RABGGTA: variants seen among roughly 807,000 people sequenced by gnomAD.
RABGGTA encodes Rab geranylgeranyltransferase subunit alpha.
In RABGGTA, 69 loss-of-function variants were observed where a neutral mutation model predicts 83.3. The observed-to-expected ratio is 0.83, with a 90% confidence interval of 0.68 to 1.01. RABGGTA has a LOEUF of 1.01. Ranked by LOEUF, RABGGTA falls within the 50% of genes least tolerant of loss-of-function variation. The probability of loss-of-function intolerance (pLI) is 0.00; values close to 1 mark genes in which losing one functional copy is unlikely to be tolerated. For synonymous variants in RABGGTA, 310 were observed against 299.8 expected (o/e 1.03, Z -0.35); for missense variants, 681 against 712.7 (o/e 0.96, Z 0.51).
In RABGGTA at chr14:24,267,968, G is replaced by A. The variant is rs369902107; in HGVS notation, c.1148-10C>T. 2.6e-5 allele frequency: 42 copies of A among 1,612,994 alleles called. No homozygotes were observed. The African/African-American group carries it at 5.3e-4, about 21-fold the overall frequency. ...ATGGTAAGCAGGCACCCTGAGGAGA[G>A]GGCAGGGAAAAGGAGGGTTTCTCTT... On this transcript the variant is annotated splice_polypyrimidine_tract_variant and intron_variant, in intron 12 of 16. Coordinates refer to ENST00000216840, the MANE Select transcript of RABGGTA (RefSeq NM_182836.3).
chr14:24,266,542 C>A, intron 15 of RABGGTA, 25 bp from the exon 16 acceptor site: 1 of 1,606,738 alleles, frequency 6.2e-7, no homozygotes, highest in East Asian at 2.2e-5. Flanking sequence ...GGCAGGGAGG[C>A]AGGACAGGCG....
rs1389925776 is a variant in RABGGTA, at chr14:24,270,466, G to C, written c.115-8C>G. 6.2e-7 allele frequency: 1 copy of C among 1,614,010 alleles called. No homozygotes were observed. On this transcript the variant is annotated splice_polypyrimidine_tract_variant and splice_region_variant and intron_variant, in intron 3 of 16. Coordinates refer to ENST00000216840, the MANE Select transcript of RABGGTA (RefSeq NM_182836.3). ...CAGCTCACCAGCCTGGCGCTAAGAA[G>C]ATAGGTGGCAGGGTTAGAGATCATA... is the stretch of plus-strand genomic sequence containing the variant.
chr14:24,267,019 A>G, intron 14 of RABGGTA, 130 bp from the exon 15 acceptor site: 1 of 679,884 alleles, frequency 1.5e-6, no homozygotes, highest in East Asian at 2.7e-5. Flanking sequence ...CAAGAAGAGG[A>G]TGGGAGCATG....
chr14:24,266,899 G>T lies in RABGGTA; in HGVS notation c.1354-10C>A. ...AGAGCACTGTCAGATCCTGGGGGGT[G>T]AAGGGAGGAAGGAGGTGATGGGCTT... On this transcript the variant is annotated splice_polypyrimidine_tract_variant and intron_variant, in intron 14 of 16. Transcript: ENST00000216840. 1 of 1,601,284 alleles carries T rather than the reference G, an allele frequency of 6.2e-7. No homozygotes were observed. The highest frequency in any genetic ancestry group is 2.2e-5 in the East Asian group (1 of 44,812).
chr14:24,268,433 T>C lies in RABGGTA; in HGVS notation c.1007-13A>G. ...CCCTCCTGGCGGCCTGGGGAAAGAG[T>C]AGGTGGTTGGAGGGTGCACCCTTGA... On this transcript the variant is annotated splice_polypyrimidine_tract_variant and intron_variant, in intron 10 of 16. Transcript: ENST00000216840. 1.2e-6 allele frequency: 2 copies of C among 1,613,208 alleles called. No individual in the cohort carries two copies. The highest frequency in any genetic ancestry group is 1.7e-6 in the Non-Finnish European group (2 of 1,179,770).
chr14:24,271,064 G>A (rs1354837141), intron 2 of RABGGTA, 49 bp downstream of exon 2: 1 of 1,576,534 alleles, frequency 6.3e-7, no homozygotes. Context: ...GCCACTGGGG[G>A]TGAGGGCGCG....
At chr14:24,267,462 C>T (rs534577943) in intron 14 of RABGGTA, among the ~76,000 whole-genome samples, 198 bp downstream of exon 14, 16 of 151,996 alleles carry the variant, frequency 1.1e-4, no homozygotes, top group African/African-American at 3.1e-4. Flanking sequence ...CCTGGTGACT[C>T]GGGATTTGAA....
At chr14:24,271,223 G>A in intron 1 of RABGGTA, 54 bp from the exon 2 acceptor site, 1 of 1,368,636 alleles carries the variant, frequency 7.3e-7, no homozygotes, top group African/African-American at 1.5e-5. Flanking sequence ...TCCGCCCACA[G>A]CTGTGTCCGG....
intron 12 of RABGGTA, 49 bp from the exon 13 acceptor site, chr14:24,268,007 C>T (rs757025194): frequency 1.2e-6 from 2 of 1,601,024 alleles, no homozygotes; most frequent in South Asian, 1.1e-5. Flanking sequence ...ACCTCCTCTG[C>T]TCCCATCCTC....
At chr14:24,267,811 A>AGCTGCCTGCCT in intron 13 of RABGGTA, 35 bp from the exon 14 acceptor site, 1 of 1,610,184 alleles carries the variant, frequency 6.2e-7, no homozygotes, top group Non-Finnish European at 8.5e-7. Flanking sequence ...TATGCATGTC[A>AGCTGCCTGCCT]GCTGCCTGCC....
chr14:24,271,364 CG>C (rs2040949006), intron 1 of RABGGTA, 122 bp downstream of exon 1: 1 of 405,118 alleles, frequency 2.5e-6, no homozygotes, highest in African/African-American at 2.0e-5. Flanking sequence ...TAGCCCGATT[CG>C]CCCGGGCCAG....
rs372667304 is a variant in RABGGTA, at chr14:24,268,563, G to A, written c.957C>T (p.Arg319=). Residue 319 remains arginine (R), a synonymous_variant, in exon 10 of 17, where the codon CGC becomes CGT. Transcript: ENST00000216840. ...GGACATCGCCTGCTGTCCAAATGACGCGAAATGTATGTTGGGGCAACTGGT... is the reference window on the plus strand; with the variant it reads ...GGACATCGCCTGCTGTCCAAATGACACGAAATGTATGTTGGGGCAACTGGT... ...LNDQLPQHTF[R]VIWTAGDVQK... is the part of the protein sequence containing the mutation. The A allele has an allele frequency of 4.3e-5, 70 of 1,614,032 alleles. No homozygotes were observed. The highest frequency in any genetic ancestry group is 1.6e-4 in the Middle Eastern group (1 of 6,062).
chr14:24,268,590 G>T lies in RABGGTA; in HGVS notation c.930C>A (p.Asn310Lys), dbSNP rs370715682. 3 of 1,613,896 alleles carry T rather than the reference G, an allele frequency of 1.9e-6. No individual in the cohort carries two copies. Among genetic ancestry groups the T allele is most frequent in the Admixed American group, 1.7e-5 (1 of 60,000 alleles). ...GAAATGTATGTTGGGGCAACTGGTCGTTGAGGGAGGCAGCAGGCAGGTCAC... is the reference window on the plus strand; with the variant it reads ...GAAATGTATGTTGGGGCAACTGGTCTTTGAGGGAGGCAGCAGGCAGGTCAC... ...WLCDLPAASL[N>K]DQLPQHTFRV... The change falls in exon 10 of 17, where the codon AAC (asparagine) becomes AAA (lysine). Residue 310 changes from asparagine to lysine, a missense_variant. Transcript: ENST00000216840.
Position 24,270,958 on chromosome 14 carries a change from G to A in RABGGTA, c.4-11C>T. 6.2e-7 allele frequency: 1 copy of A among 1,612,930 alleles called. No individual in the cohort carries two copies. The highest frequency in any genetic ancestry group is 8.5e-7 in the Non-Finnish European group (1 of 1,179,388). ...CTTCAGGCGTCCGTGCTACAAGGAT[G>A]AACGGGTTGGAAGAGTGCAGGTTGC... On this transcript the variant is annotated splice_polypyrimidine_tract_variant and intron_variant, in intron 2 of 16. Transcript: ENST00000216840.
At chr14:24,268,348 T>C (rs751085983) in intron 11 of RABGGTA, 21 bp downstream of exon 11, 1 of 1,612,944 alleles carries the variant, frequency 6.2e-7, no homozygotes, top group South Asian at 1.1e-5. Flanking sequence ...CTCTCCTTGT[T>C]TTGTGCTTCC....
At position 24,270,897 on chromosome 14, in the gene RABGGTA, C is replaced by G; in HGVS notation, c.54G>C (p.Arg18Ser). 1 of 1,614,042 alleles carries G rather than the reference C, an allele frequency of 6.2e-7. No homozygotes were observed. The highest frequency in any genetic ancestry group is 8.5e-7 in the Non-Finnish European group (1 of 1,179,892). ...KTSEEQAEAK[R>S]LEREQKLKLY... ...GCTTCAGCTTCTGCTCTCGCTCTAG[C>G]CTTTTGGCCTCCGCCTGCTCTTCTG... is the stretch of plus-strand genomic sequence containing the variant. The change falls in exon 3 of 17, where the codon AGG (arginine) becomes AGC (serine). Residue 18 changes from arginine (R) to serine (S), a missense_variant. Arg to Ser is a moderately radical substitution (Grantham distance 110). Transcript: ENST00000216840.
Position 24,268,599 on chromosome 14 carries a change from G to GGCA in RABGGTA, c.918_920dup (p.Ala307dup). The GGCA allele has an allele frequency of 6.2e-7, 1 of 1,613,982 alleles. No individual in the cohort carries two copies. The highest frequency in any genetic ancestry group is 2.2e-5 in the East Asian group (1 of 44,884). On this transcript the variant is annotated inframe_insertion, in exon 10 of 17. Transcript: ENST00000216840. The stretch of plus-strand genomic sequence containing the variant: ...GTTGGGGCAACTGGTCGTTGAGGGA[G>GGCA]GCAGCAGGCAGGTCACAGAGCTGGG...
intron 5 of RABGGTA, 117 bp from the exon 6 acceptor site, chr14:24,269,811 T>C (rs1594583236): frequency 7.1e-7 from 1 of 1,415,022 alleles, no homozygotes; most frequent in Non-Finnish European, 9.7e-7. Flanking sequence ...CCACGGAGGA[T>C]GCATTTGGCT....
At position 24,268,985 on chromosome 14, in the gene RABGGTA, G is replaced by A; in HGVS notation, c.724C>T (p.Gln242Ter). Residue 242 changes from glutamine (Q) to a stop codon, truncating the protein, a stop_gained, in exon 8 of 17, where the codon CAG becomes TAG. Coordinates refer to ENST00000216840, the MANE Select transcript of RABGGTA (RefSeq NM_182836.3). LOFTEE classifies it high-confidence loss of function. ...HRWLLGRADP[Q>*]DALRCLHVSR... ...ACATGCAGGCAGCGCAGTGCATCCT[G>A]GGGGTCAGCTGCGGGGAGACAGTGT... is the stretch of plus-strand genomic sequence containing the variant. The A allele has an allele frequency of 6.3e-7, 1 of 1,585,476 alleles. No individual in the cohort carries two copies. The highest frequency in any genetic ancestry group is 8.6e-7 in the Non-Finnish European group (1 of 1,164,824).
Sources: allele counts gnomAD v4.1 joint callset (sites outside exome capture counted in the v4.1 genomes callset), GRCh38; gene constraint gnomAD v4.1.1; transcripts MANE v1.5; gene names NCBI Gene and HGNC (gene_info 2026-07-23, HGNC 2026-07-21).